CEP112: variants seen among roughly 807,000 people sequenced by gnomAD.
CEP112 encodes centrosomal protein 112, also known as centrosomal protein of 112 kDa.
Under a neutral mutation model 153.0 loss-of-function variants are expected in CEP112, and 127 were observed. The ratio of observed to expected loss-of-function variants is 0.83; its 90% confidence interval spans 0.72 to 0.96. CEP112 has a LOEUF of 0.96. CEP112 is among the 40% of genes least tolerant of loss of function. The pLI, the probability that CEP112 is intolerant of heterozygous loss-of-function variation, is 0.00. For missense variants in CEP112, 1,089 were observed against 1,101.2 expected (o/e 0.99, Z 0.16); for synonymous variants, 358 against 374.4 (o/e 0.96, Z 0.51).
intron 23 of CEP112, among the ~76,000 whole-genome samples, chr17:65,706,631 A>G (rs2048927784): frequency 6.6e-6 from 1 of 152,182 alleles, no homozygotes; most frequent in East Asian, 1.9e-4. Flanking sequence ...CTTTGCCTCA[A>G]TCTAATTATG....
chr17:66,147,630 T>C (rs893252671), intron 4 of CEP112, among the ~76,000 whole-genome samples: 3 of 152,178 alleles, frequency 2.0e-5, no homozygotes, highest in African/African-American at 4.8e-5. Context: ...CTTCCGTATG[T>C]TTCCCTATTA....
chr17:65,942,807 T>TCTCC (rs2061543861), intron 18 of CEP112, among the ~76,000 whole-genome samples: 2 of 152,178 alleles, frequency 1.3e-5, no homozygotes, highest in Non-Finnish European at 2.9e-5. Flanking sequence ...CATCTGGCAG[T>TCTCC]CTCCATCAGA....
intron 24 of CEP112, 55 bp downstream of exon 24, chr17:65,689,074 A>G (rs1020649563): frequency 3.0e-6 from 4 of 1,313,358 alleles, no homozygotes; most frequent in Non-Finnish European, 4.4e-6. Context: ...GGCTGCACAC[A>G]CTTCTTGACC....
At chr17:66,000,230 GTT>G (rs71361253) in intron 17 of CEP112, among the ~76,000 whole-genome samples, 4 of 142,646 alleles carry the variant, frequency 2.8e-5, no homozygotes, top group African/African-American at 1.1e-4. Flanking sequence ...ACTGGCATCT[GTT>G]TTTTTTTTGT....
intron 21 of CEP112, chr17:65,825,986 T>C (rs969572604): frequency 9.2e-6 from 7 of 757,230 alleles, no homozygotes; most frequent in African/African-American, 7.0e-5. Context: ...CTTATTTCTG[T>C]TCAATGTGAT....
intron 18 of CEP112, among the ~76,000 whole-genome samples, chr17:65,944,646 G>GTGGA (rs543302034): frequency 1.2e-4 from 18 of 152,164 alleles, no homozygotes; most frequent in Admixed American, 2.0e-4. Context: ...GTGCAGTGCG[G>GTGGA]TGGAGTGACC....
At chr17:66,171,222 T>C (rs1315583836) in intron 4 of CEP112, among the ~76,000 whole-genome samples, 1 of 152,110 alleles carries the variant, frequency 6.6e-6, no homozygotes, top group Non-Finnish European at 1.5e-5. Context: ...AACAGCATCA[T>C]CTAAAATGCC....
chr17:66,184,065 T>G (rs528612267), intron 1 of CEP112, among the ~76,000 whole-genome samples: 1 of 151,910 alleles, frequency 6.6e-6, no homozygotes, highest in Non-Finnish European at 1.5e-5. Context: ...CCTGGGCAAT[T>G]TGGTGAGACC....
intron 24 of CEP112, among the ~76,000 whole-genome samples, chr17:65,682,896 G>A (rs1293507769): frequency 6.6e-6 from 1 of 152,162 alleles, no homozygotes; most frequent in Admixed American, 6.5e-5. Context: ...GATAGTTTTT[G>A]AAGTATTTTT....
chr17:66,053,112 A>G (rs76840401), intron 12 of CEP112, among the ~76,000 whole-genome samples: 3 of 306 alleles, frequency 9.8e-3, no homozygotes, highest in Admixed American at 0.1. Flanking sequence ...GTCTCAAAGG[A>G]AAAAAAAAAA....
rs933450597 is a variant in CEP112, at chr17:65,936,890, C to T, written c.1873-9201G>A. Among the ~76,000 whole-genome samples the T allele has an allele frequency of 4.0e-5, 6 of 150,218 alleles. No individual in the cohort carries two copies. The South Asian group carries it at 1.3e-3, about 33-fold the overall frequency. On this transcript the variant is annotated intron_variant, in intron 18 of 26. Coordinates refer to ENST00000535342, the MANE Select transcript of CEP112 (RefSeq NM_001199165.4). ...AGCCGAAGCTGTACTGTACTGCCAC[C>T]GTCTCGGCTCACTGCAACCTCCCTG...
chr17:65,644,354 C>A, intron 24 of CEP112: 1 of 558,498 alleles, frequency 1.8e-6, no homozygotes, highest in South Asian at 1.9e-5. Flanking sequence ...GGTGAGAAGC[C>A]GGACAAGTTC....
chr17:65,709,901 G>A (rs2049091249), intron 23 of CEP112, among the ~76,000 whole-genome samples: 1 of 152,278 alleles, frequency 6.6e-6, no homozygotes, highest in South Asian at 2.1e-4. Context: ...ACCTGACTGA[G>A]ATCCTCTGCT....
chr17:66,131,538 A>G (rs1228436230), intron 5 of CEP112, among the ~76,000 whole-genome samples: 2 of 151,684 alleles, frequency 1.3e-5, no homozygotes, highest in Non-Finnish European at 2.9e-5. Flanking sequence ...TCAGGAGATC[A>G]AGACCATCCT....
At chr17:65,852,255 C>A (rs1386148338) in intron 20 of CEP112, among the ~76,000 whole-genome samples, 1 of 105,208 alleles carries the variant, frequency 9.5e-6, no homozygotes, top group Non-Finnish European at 2.0e-5. Context: ...CCTTCCGTTC[C>A]CTTTCCTTCC....
At chr17:65,850,397 T>C (rs1252064499) in intron 21 of CEP112, among the ~76,000 whole-genome samples, 2 of 152,038 alleles carry the variant, frequency 1.3e-5, no homozygotes, top group Non-Finnish European at 2.9e-5. Context: ...TGTTCCACCC[T>C]ACTTCCCACC....
At chr17:66,061,012 C>G (rs1253874698) in intron 11 of CEP112, among the ~76,000 whole-genome samples, 1 of 151,128 alleles carries the variant, frequency 6.6e-6, no homozygotes, top group East Asian at 1.9e-4. Context: ...AATTATACAT[C>G]TGATATGGGG....
At chr17:65,916,829 A>C (rs1217975300) in intron 19 of CEP112, among the ~76,000 whole-genome samples, 1 of 152,002 alleles carries the variant, frequency 6.6e-6, no homozygotes, top group East Asian at 1.9e-4. Context: ...ATACAGGCAT[A>C]AGCCACTGCA....
chr17:65,937,552 G>T (rs1264083618), intron 18 of CEP112, among the ~76,000 whole-genome samples: 4 of 91,556 alleles, frequency 4.4e-5, no homozygotes, highest in Admixed American at 1.3e-4. Context: ...CAGCCGCCCC[G>T]TCCGGGAGGG....
Sources: gnomAD v4.1 joint callset for allele counts (sites outside exome capture counted in the v4.1 genomes callset) on GRCh38, gnomAD v4.1.1 for gene constraint, MANE v1.5 for transcripts, NCBI Gene and HGNC (gene_info 2026-07-23, HGNC 2026-07-21) for gene names.